Variants in UNC5CL observed in about 807,000 individuals in gnomAD.
The protein encoded by UNC5CL is unc-5 family C-terminal like.
In UNC5CL, 42 loss-of-function variants were observed where a neutral mutation model predicts 54.1. That is an observed-to-expected ratio of 0.78 (90% CI 0.61 to 1.00). The LOEUF (loss-of-function observed/expected upper bound fraction) is 1.00. UNC5CL is among the 50% of genes least tolerant of loss of function. The pLI is 0.00. For synonymous variants in UNC5CL, 285 were observed against 285.1 expected (o/e 1.00, Z 0.00); for missense variants, 619 against 675.6 (o/e 0.92, Z 0.93).
At chr6:41,038,387 C>G (rs1292569351) in intron 1 of UNC5CL, among the ~76,000 whole-genome samples, 1 of 151,994 alleles carries the variant, frequency 6.6e-6, no homozygotes, top group Non-Finnish European at 1.5e-5. Flanking sequence ...GTCCAGATCC[C>G]CAGTGAGGTG....
At position 41,034,075 on chromosome 6, in the gene UNC5CL, C is replaced by T. The variant is rs991366194; in HGVS notation, c.492G>A (p.Val164=). 1.6e-5 allele frequency: 26 copies of T among 1,614,066 alleles called. No individual in the cohort carries two copies. The highest frequency in any genetic ancestry group is 2.1e-5 in the Non-Finnish European group (25 of 1,180,024). Residue 164 remains valine, a synonymous_variant, in exon 3 of 9, where the codon GTG becomes GTA. Coordinates refer to ENST00000244565, the MANE Select transcript of UNC5CL (RefSeq NM_173561.3). The stretch of plus-strand genomic sequence containing the variant: ...AGGAGGCCCCATGGGGGCCACATGC[C>T]ACCACAGGGCTTACCAGCCCCTGGG... The part of the protein sequence containing the change: ...SQAQGLVSPV[V]ACGPHGASFL...
chr6:41,035,192 A>G, intron 1 of UNC5CL, 57 bp from the exon 2 acceptor site: 1 of 1,352,220 alleles, frequency 7.4e-7, no homozygotes, highest in Non-Finnish European at 9.8e-7. Flanking sequence ...GTGGAGGTCA[A>G]GGCTTGGCTT....
chr6:41,033,009 C>T lies in UNC5CL; in HGVS notation c.824G>A (p.Cys275Tyr), dbSNP rs1229467301. Residue 275 changes from cysteine to tyrosine, a missense_variant, in exon 4 of 9, where the codon TGC becomes TAC. Physicochemically the swap from Cys to Tyr is radical, Grantham distance 194 (BLOSUM62 -2). Coordinates refer to ENST00000244565, the MANE Select transcript of UNC5CL (RefSeq NM_173561.3). ...LRIYFLNNTP[C>Y]ALQWALTNEQ... ...GTTGGTCAGTGCCCACTGCAGGGCG[C>T]AGGGCGTGTTGTTGAGGAAGTAGAT... The T allele has an allele frequency of 6.2e-7, 1 of 1,607,420 alleles. No individual in the cohort carries two copies. The highest frequency in any genetic ancestry group is 8.5e-7 in the Non-Finnish European group (1 of 1,176,990).
chr6:41,030,453 G>A lies in UNC5CL; in HGVS notation c.1269C>T (p.Asn423=), dbSNP rs904593286. 2 of 1,614,216 alleles carry A rather than the reference G, an allele frequency of 1.2e-6. No homozygotes were observed. The highest frequency in any genetic ancestry group is 1.7e-6 in the Non-Finnish European group (2 of 1,180,034). Residue 423 remains asparagine (N), a synonymous_variant, in exon 8 of 9, where the codon AAC becomes AAT. Coordinates refer to ENST00000244565, the MANE Select transcript of UNC5CL (RefSeq NM_173561.3). ...FEQLRMLLEP[N]SITGNDWRRL... is the part of the protein sequence containing the mutation. ...TGCGCCAGTCATTGCCGGTGATGCT[G>A]TTTGGCTCCAATAACATCCGCAGCT...
intron 1 of UNC5CL, among the ~76,000 whole-genome samples, chr6:41,037,525 A>G (rs890952625): frequency 6.6e-6 from 1 of 152,236 alleles, no homozygotes. Context: ...CTCAGGACCC[A>G]TGAAAACTGA....
Position 41,028,466 on chromosome 6 carries a change from C to G in UNC5CL, c.1464G>C (p.Gln488His). 6.2e-7 allele frequency: 1 copy of G among 1,613,822 alleles called. No individual in the cohort carries two copies. The highest frequency in any genetic ancestry group is 8.5e-7 in the Non-Finnish European group (1 of 1,179,986). Residue 488 changes from glutamine (Q) to histidine (H), a missense_variant, in exon 9 of 9, where the codon CAG becomes CAC. Coordinates refer to ENST00000244565, the MANE Select transcript of UNC5CL (RefSeq NM_173561.3). The surrounding 1 kb of genome is among the most constrained non-coding windows in gnomAD (Gnocchi z 4.3). Reference protein sequence around the residue: ...MERLDCASAIQNYLSGTHGGS... With the variant: ...MERLDCASAIHNYLSGTHGGS... ...CGCCGTGTGTCCCACTCAGGTAGTT[C>G]TGGATGGCGGAGGCGCAGTCTAGCC... is the stretch of plus-strand genomic sequence containing the variant.
At chr6:41,037,514 C>A (rs1762539054) in intron 1 of UNC5CL, among the ~76,000 whole-genome samples, 1 of 152,258 alleles carries the variant, frequency 6.6e-6, no homozygotes, top group Admixed American at 6.5e-5. Context: ...TTCCTTCCAA[C>A]CTCAGGACCC....
rs940832104 is a variant in UNC5CL at position 41,028,652 on chromosome 6, C to G, written c.1335-57G>C. The G allele has an allele frequency of 1.4e-5, 21 of 1,531,688 alleles. No individual in the cohort carries two copies. In the African/African-American group the frequency reaches 2.3e-4, roughly 17 times the overall value. 94.9% of individuals were successfully genotyped at this position (1,531,688 alleles called of 1,614,324 possible). Reference sequence around the variant, plus strand: ...GTAGGAGCAGGGAGGGGCTCCCCCCCTGCTGCAGGCTCCCTGGGCTGCGCA... The same window carrying G: ...GTAGGAGCAGGGAGGGGCTCCCCCCGTGCTGCAGGCTCCCTGGGCTGCGCA... On this transcript the variant is annotated intron_variant, in intron 8 of 8. Coordinates refer to ENST00000244565, the MANE Select transcript of UNC5CL (RefSeq NM_173561.3). This position sits in a 1 kb window ranked among gnomAD's most constrained non-coding sequence, Gnocchi z 4.3.
At chr6:41,034,289 A>AC in intron 2 of UNC5CL, 108 bp from the exon 3 acceptor site, 2 of 1,322,854 alleles carry the variant, frequency 1.5e-6, no homozygotes, top group Non-Finnish European at 2.0e-6. Context: ...CCCAGGAGAG[A>AC]CCCCCAGCAG....
rs374115894 is a variant in UNC5CL at position 41,034,027 on chromosome 6, C to T, written c.540G>A (p.Thr180=). Residue 180 remains threonine, a synonymous_variant, in exon 3 of 9, where the codon ACG becomes ACA. Transcript: ENST00000244565. ...TGGGCTGCTCGGCACAGTGTTTGAA[C>T]GTGAGAGTGCAAGGCTTCAGGAAGG... The part of the protein sequence containing the change: ...GASFLKPCTL[T]FKHCAEQPSH... 3.2e-5 allele frequency: 52 copies of T among 1,614,202 alleles called. No individual in the cohort carries two copies. Among genetic ancestry groups the T allele is most frequent in the African/African-American group, 2.7e-4 (20 of 75,060 alleles).
chr6:41,033,239 G>A, intron 3 of UNC5CL, 93 bp from the exon 4 acceptor site: 1 of 1,468,242 alleles, frequency 6.8e-7, no homozygotes, highest in Non-Finnish European at 9.1e-7. Context: ...AGGGGCCTCT[G>A]TGGGGCCTTC....
At chr6:41,033,241 G>T in intron 3 of UNC5CL, 95 bp from the exon 4 acceptor site, 1 of 1,466,224 alleles carries the variant, frequency 6.8e-7, no homozygotes, top group East Asian at 2.4e-5. Context: ...GGGCCTCTGT[G>T]GGGCCTTCAA....
intron 6 of UNC5CL, 49 bp from the exon 7 acceptor site, chr6:41,030,804 C>T (rs1468160055): frequency 6.4e-7 from 1 of 1,567,058 alleles, no homozygotes; most frequent in Admixed American, 1.7e-5. Context: ...CAAGCCATCC[C>T]CCTGAGTAAG....
At chr6:41,033,233 G>C in intron 3 of UNC5CL, 87 bp from the exon 4 acceptor site, 1 of 1,479,580 alleles carries the variant, frequency 6.8e-7, no homozygotes, top group Non-Finnish European at 9.0e-7. Flanking sequence ...CACCTGAGGG[G>C]CCTCTGTGGG....
chr6:41,032,240 T>C, intron 4 of UNC5CL, 103 bp from the exon 5 acceptor site: 1 of 938,574 alleles, frequency 1.1e-6, no homozygotes, highest in South Asian at 1.5e-5. Flanking sequence ...GGCAGGAGGG[T>C]CTCAAGGGAA....
At position 41,035,058 on chromosome 6, in the gene UNC5CL, C is replaced by T. The variant is rs192057587; in HGVS notation, c.17G>A (p.Ser6Asn). The T allele has an allele frequency of 5.1e-6, 8 of 1,579,350 alleles. No homozygotes were observed. In the Admixed American group the frequency reaches 1.4e-4, roughly 27 times the overall value. ...TAGGAACTGGGAGGGTTGGAATGAA[C>T]TCTCCTGGGGGCACATTCGCCTGGT... is the stretch of plus-strand genomic sequence containing the variant. MCPQE[S>N]SFQPSQFLLL... Residue 6 changes from serine to asparagine, a missense_variant, in exon 2 of 9, where the codon AGT (serine) becomes AAT (asparagine). Physicochemically the swap from Ser to Asn is conservative, Grantham distance 46. Coordinates refer to ENST00000244565, the MANE Select transcript of UNC5CL (RefSeq NM_173561.3).
rs752215087 is a variant in UNC5CL at position 41,032,983 on chromosome 6, CGTT to C, written c.847_849del (p.Asn283del). 1 of 1,603,828 alleles carries C rather than the reference CGTT, an allele frequency of 6.2e-7. No individual in the cohort carries two copies. Among genetic ancestry groups the C allele is most frequent in the African/African-American group, 1.3e-5 (1 of 74,824 alleles). On this transcript the variant is annotated inframe_deletion, in exon 4 of 9. Transcript: ENST00000244565. ...CGCAGGCGCCCACCATGGGGCTGCT[CGTT>C]GGTCAGTGCCCACTGCAGGGCGCAG...
chr6:41,033,683 G>A, intron 3 of UNC5CL, 198 bp downstream of exon 3: 3 of 625,266 alleles, frequency 4.8e-6, no homozygotes, highest in Non-Finnish European at 8.2e-6. Flanking sequence ...GGGATTTGCA[G>A]TCATGGACAT....
At position 41,032,118 on chromosome 6, in the gene UNC5CL, G is replaced by GGTGAGTTC. The variant is rs776120500; in HGVS notation, c.968_969insGAACTCAC (p.Asp323GlufsTer41). On this transcript the variant is annotated frameshift_variant, in exon 5 of 9. Coordinates refer to ENST00000244565, the MANE Select transcript of UNC5CL (RefSeq NM_173561.3). LOFTEE classifies it high-confidence loss of function. ...GATGGGGAACCAGCTGGCAACTGCT[G>GGTGAGTTC]TCATCCACATTCTCCCAACCTGGTG... 1 of 1,614,204 alleles carries GGTGAGTTC rather than the reference G, an allele frequency of 6.2e-7. No individual in the cohort carries two copies.
Sources: allele counts gnomAD v4.1 joint callset (sites outside exome capture counted in the v4.1 genomes callset), GRCh38; gene constraint gnomAD v4.1.1; non-coding constraint Gnocchi (gnomAD v3.1); transcripts MANE v1.5; gene names NCBI Gene and HGNC (gene_info 2026-07-23, HGNC 2026-07-21).